The following TMEM178B variants were observed in gnomAD, a reference collection of about 807,000 sequenced individuals.
TMEM178B encodes transmembrane protein 178B.
In TMEM178B, 5 loss-of-function variants were observed where a neutral mutation model predicts 31.0. That is an observed-to-expected ratio of 0.16 (90% CI 0.08 to 0.34). The LOEUF is 0.34. TMEM178B is among the 10% of genes least tolerant of loss of function. TMEM178B has a pLI of 1.00. For missense variants in TMEM178B, 275 were observed against 400.3 expected (o/e 0.69, Z 2.67); for synonymous variants, 164 against 164.0 (o/e 1.00, Z 0.00).
chr7:141,249,216 A>T (rs749944167), intron 2 of TMEM178B, among the ~76,000 whole-genome samples: 29 of 152,216 alleles, frequency 1.9e-4, no homozygotes, highest in Non-Finnish European at 3.4e-4. Context: ...TTTCCCCCAT[A>T]CTGTTCTCGT....
chr7:141,299,934 GTCA>G (rs1027551072), intron 2 of TMEM178B, among the ~76,000 whole-genome samples: 11 of 152,048 alleles, frequency 7.2e-5, no homozygotes, highest in African/African-American at 2.7e-4. Context: ...GCAGACATGT[GTCA>G]TCATGTCTGG....
Position 141,281,729 on chromosome 7 carries a change from T to C in TMEM178B, c.496+69025T>C, listed in dbSNP as rs186800648. Among the ~76,000 whole-genome samples, 577 of 152,260 alleles carry C rather than the reference T, an allele frequency of 3.8e-3. 1 individual carries two copies. The highest frequency in any genetic ancestry group is 6.4e-3 in the Non-Finnish European group (436 of 68,004). The stretch of plus-strand genomic sequence containing the variant: ...TCTCCAACGATGGGTCAGAGTTTTC[T>C]AGTGGGGGGAGATACTTTCAGCAGA... On this transcript the variant is annotated intron_variant, in intron 2 of 3. Transcript: ENST00000565468.
chr7:141,333,655 A>G (rs1799333776), intron 2 of TMEM178B, among the ~76,000 whole-genome samples: 1 of 152,098 alleles, frequency 6.6e-6, no homozygotes, highest in African/African-American at 2.4e-5. Flanking sequence ...GCTGACCCAG[A>G]CTCTGTCCAT....
At chr7:141,412,594 T>G (rs1801011088) in intron 2 of TMEM178B, among the ~76,000 whole-genome samples, 1 of 152,204 alleles carries the variant, frequency 6.6e-6, no homozygotes, top group African/African-American at 2.4e-5. Flanking sequence ...ATGTTGAGTT[T>G]TATTTGATCT....
At chr7:141,486,782 C>A in the TMEM178B span, among the ~76,000 whole-genome samples, 4 of 151,960 alleles carry the variant, frequency 2.6e-5, no homozygotes, top group African/African-American at 9.7e-5. Flanking sequence ...TAATCTTTAC[C>A]CTGAAGTTGC....
At chr7:141,319,196 A>C (rs996311653) in intron 2 of TMEM178B, among the ~76,000 whole-genome samples, 2 of 152,176 alleles carry the variant, frequency 1.3e-5, no homozygotes, top group African/African-American at 4.8e-5. Context: ...AAAAGCAGTG[A>C]TTTACATTAG....
chr7:141,175,479 T>A lies in TMEM178B; in HGVS notation c.383-37112T>A, dbSNP rs188231457. On this transcript the variant is annotated intron_variant, in intron 1 of 3. Transcript: ENST00000565468. ...TGGTTCCATATGAAATTTAAAGTAG[T>A]TTTTTCCAATTCTGTGAAGAAAGTC... is the stretch of plus-strand genomic sequence containing the variant. Among the ~76,000 whole-genome samples the A allele has an allele frequency of 1.4e-3, 206 of 152,290 alleles. 4 individuals are homozygous for A. The highest frequency in any genetic ancestry group is 4.6e-3 in the African/African-American group (190 of 41,564).
At chr7:141,337,789 A>G (rs1048280736) in intron 2 of TMEM178B, among the ~76,000 whole-genome samples, 1 of 152,246 alleles carries the variant, frequency 6.6e-6, no homozygotes, top group Non-Finnish European at 1.5e-5. Flanking sequence ...CTGCAAACAA[A>G]AAAAGGTGGA....
intron 2 of TMEM178B, among the ~76,000 whole-genome samples, chr7:141,430,850 A>G (rs1001522524): frequency 1.3e-5 from 2 of 152,130 alleles, no homozygotes; most frequent in Non-Finnish European, 2.9e-5. Context: ...GTGCCCTTCA[A>G]TTCCCGTGAC....
At chr7:141,102,609 A>T (rs1368976043) in intron 1 of TMEM178B, among the ~76,000 whole-genome samples, 2 of 152,220 alleles carry the variant, frequency 1.3e-5, no homozygotes, top group Admixed American at 6.5e-5. Flanking sequence ...GTTTCCTGGC[A>T]TAGAAAATGC....
At chr7:141,304,716 C>G (rs1374043936) in intron 2 of TMEM178B, among the ~76,000 whole-genome samples, 1 of 152,192 alleles carries the variant, frequency 6.6e-6, no homozygotes, top group Non-Finnish European at 1.5e-5. Flanking sequence ...ATCTCCCCTT[C>G]CTCCTCACTC....
intron 2 of TMEM178B, among the ~76,000 whole-genome samples, chr7:141,324,444 T>G (rs1043271188): frequency 3.8e-5 from 4 of 106,662 alleles, no homozygotes; most frequent in African/African-American, 1.2e-4. Flanking sequence ...TTTTTTTTTT[T>G]TTTTTTTTTC....
At chr7:141,319,629 T>C (rs1799064476) in intron 2 of TMEM178B, among the ~76,000 whole-genome samples, 1 of 152,164 alleles carries the variant, frequency 6.6e-6, no homozygotes, top group East Asian at 1.9e-4. Flanking sequence ...CTCAGCTTAC[T>C]GCAGGTTCAG....
chr7:141,253,917 C>T (rs1329659486), intron 2 of TMEM178B, among the ~76,000 whole-genome samples: 1 of 152,162 alleles, frequency 6.6e-6, no homozygotes, highest in African/African-American at 2.4e-5. Context: ...TGTTAGGACC[C>T]CCTACATAAC....
chr7:141,285,557 A>G (rs1428328185), intron 2 of TMEM178B, among the ~76,000 whole-genome samples: 2 of 152,060 alleles, frequency 1.3e-5, no homozygotes, highest in Non-Finnish European at 2.9e-5. Context: ...TAGAAATTGG[A>G]TTTCTGTACC....
intron 1 of TMEM178B, among the ~76,000 whole-genome samples, chr7:141,111,873 C>G (rs1407288565): frequency 6.6e-6 from 1 of 152,086 alleles, no homozygotes; most frequent in Non-Finnish European, 1.5e-5. Flanking sequence ...TGAGTGTTTG[C>G]CTATATCAAT....
intron 2 of TMEM178B, among the ~76,000 whole-genome samples, chr7:141,272,409 T>C (rs916266558): frequency 6.6e-6 from 1 of 152,232 alleles, no homozygotes; most frequent in Non-Finnish European, 1.5e-5. Flanking sequence ...AATCTGGTTC[T>C]AAAACAAGGA....
At chr7:141,354,177 C>T (rs943674292) in intron 2 of TMEM178B, among the ~76,000 whole-genome samples, 4 of 152,110 alleles carry the variant, frequency 2.6e-5, no homozygotes, top group Non-Finnish European at 4.4e-5. Flanking sequence ...GTCTGCAACT[C>T]GTAAAGTCTC....
In TMEM178B at chr7:141,472,844, TG is replaced by T. The variant is rs778795195; in HGVS notation, c.*2062del. 3 of 152,204 alleles carry T rather than the reference TG, an allele frequency of 2.0e-5. No individual in the cohort carries two copies. The highest frequency in any genetic ancestry group is 7.2e-5 in the African/African-American group (3 of 41,442). The allele number at this position is 152,204 out of a possible 1,614,324, so 9.4% of individuals were successfully genotyped here. A position where few individuals can be genotyped will look rare whatever the true frequency, so the allele number is the denominator to read the frequency against. On this transcript the variant is annotated 3_prime_UTR_variant, in exon 4 of 4. Transcript: ENST00000565468. ...TGATATGACATCTGATGTGCATGAA[TG>T]GGGTTGAATGTGGATCTCTCTGTAT...
Sources: gnomAD v4.1 joint callset for allele counts (sites outside exome capture counted in the v4.1 genomes callset) on GRCh38, gnomAD v4.1.1 for gene constraint, MANE v1.5 for transcripts, NCBI Gene and HGNC (gene_info 2026-07-23, HGNC 2026-07-21) for gene names.